COG5: variants seen among roughly 807,000 people sequenced by gnomAD.
The protein encoded by COG5 is component of oligomeric golgi complex 5.
In COG5, 86 loss-of-function variants were observed where a neutral mutation model predicts 110.4. That is an observed-to-expected ratio of 0.78 (90% CI 0.65 to 0.93). The LOEUF is 0.93. Among genes scored for constraint, COG5 ranks in the 40% least tolerant of loss-of-function variants. The pLI is 0.00. For synonymous variants in COG5, 360 were observed against 334.6 expected (o/e 1.08, Z -0.83); for missense variants, 1,077 against 987.0 (o/e 1.09, Z -1.22).
At chr7:107,344,189 T>C (rs573441616) in intron 10 of COG5, among the ~76,000 whole-genome samples, 52 of 152,326 alleles carry the variant, frequency 3.4e-4, no homozygotes, top group African/African-American at 1.1e-3. Context: ...TTCATCTACA[T>C]TGAAAATCTG....
intron 21 of COG5, among the ~76,000 whole-genome samples, chr7:107,205,679 AC>A (rs1027918536): frequency 1.3e-5 from 2 of 152,168 alleles, no homozygotes; most frequent in African/African-American, 4.8e-5. Flanking sequence ...TTCCTTGCTT[AC>A]TTTCTTGCGC....
At chr7:107,270,427 A>C (rs1331251535) in intron 14 of COG5, among the ~76,000 whole-genome samples, 2 of 151,902 alleles carry the variant, frequency 1.3e-5, no homozygotes, top group Non-Finnish European at 2.9e-5. Flanking sequence ...ACATCCTGCT[A>C]ATTTTGGTAT....
chr7:107,345,636 T>A (rs1408990676), intron 10 of COG5, among the ~76,000 whole-genome samples: 1 of 152,194 alleles, frequency 6.6e-6, no homozygotes, highest in African/African-American at 2.4e-5. Context: ...TAGAGATCTG[T>A]TGCACAACCG....
chr7:107,503,636 C>G (rs757870261), intron 6 of COG5, among the ~76,000 whole-genome samples: 3 of 152,138 alleles, frequency 2.0e-5, no homozygotes, highest in Non-Finnish European at 4.4e-5. Flanking sequence ...TCTATGAACA[C>G]AAGATGTGTT....
At chr7:107,323,446 G>A (rs562497170) in intron 11 of COG5, among the ~76,000 whole-genome samples, 2 of 152,272 alleles carry the variant, frequency 1.3e-5, no homozygotes, top group South Asian at 4.1e-4. Flanking sequence ...CAGGAGAATT[G>A]CTTGAACCCA....
chr7:107,365,773 C>A (rs1319088227), intron 8 of COG5, among the ~76,000 whole-genome samples: 1 of 151,822 alleles, frequency 6.6e-6, no homozygotes, highest in Non-Finnish European at 1.5e-5. Context: ...GCTTAAATAG[C>A]TTTACTGGTA....
intron 6 of COG5, among the ~76,000 whole-genome samples, chr7:107,440,022 T>C (rs1437044334): frequency 6.6e-6 from 1 of 152,166 alleles, no homozygotes; most frequent in East Asian, 1.9e-4. Flanking sequence ...TTGACTAATA[T>C]ATCACTGGGT....
At chr7:107,543,775 G>T (rs541962886) in intron 5 of COG5, among the ~76,000 whole-genome samples, 33 of 152,064 alleles carry the variant, frequency 2.2e-4, no homozygotes, top group Non-Finnish European at 4.3e-4. Flanking sequence ...CTGCCCTACG[G>T]GTCCACATTC....
At chr7:107,219,301 T>C (rs1213955289) in intron 19 of COG5, among the ~76,000 whole-genome samples, 1 of 152,062 alleles carries the variant, frequency 6.6e-6, no homozygotes, top group Admixed American at 6.5e-5. Context: ...AAACTAAAAA[T>C]AGAATTACAA....
intron 7 of COG5, among the ~76,000 whole-genome samples, chr7:107,409,396 G>A (rs1331132253): frequency 6.6e-6 from 1 of 151,906 alleles, no homozygotes; most frequent in African/African-American, 2.4e-5. Flanking sequence ...GTAGATTACT[G>A]AAAGTAATCT....
At chr7:107,365,295 CTCTCT>C (rs1241550655) in intron 8 of COG5, among the ~76,000 whole-genome samples, 2 of 151,974 alleles carry the variant, frequency 1.3e-5, no homozygotes, top group South Asian at 2.1e-4. Flanking sequence ...CATTTTCTTA[CTCTCT>C]TCTCTTGAAT....
chr7:107,403,858 A>T (rs1343438685), intron 7 of COG5, among the ~76,000 whole-genome samples: 1 of 152,126 alleles, frequency 6.6e-6, no homozygotes, highest in Non-Finnish European at 1.5e-5. Context: ...CAGCCATAAA[A>T]ATGAAGTGAC....
At chr7:107,361,985 T>G (rs1333452049) in intron 10 of COG5, 48 bp downstream of exon 10, 2 of 1,279,652 alleles carry the variant, frequency 1.6e-6, no homozygotes, top group Non-Finnish European at 2.2e-6. Context: ...ACTCATATAT[T>G]CCTGTTTTGT....
intron 10 of COG5, among the ~76,000 whole-genome samples, chr7:107,334,897 G>A (rs1015669784): frequency 3.3e-5 from 5 of 152,148 alleles, no homozygotes; most frequent in African/African-American, 1.2e-4. Context: ...ACTGTGCTGT[G>A]TGATCCACTC....
intron 5 of COG5, among the ~76,000 whole-genome samples, chr7:107,538,988 A>G (rs1801786175): frequency 1.3e-5 from 2 of 152,178 alleles, no homozygotes; most frequent in Admixed American, 1.3e-4. Flanking sequence ...TTTGACTTTA[A>G]GTGAAAACAA....
intron 5 of COG5, among the ~76,000 whole-genome samples, chr7:107,546,647 C>T (rs1584953936): frequency 6.7e-6 from 1 of 148,598 alleles, no homozygotes; most frequent in East Asian, 2.0e-4. Flanking sequence ...AAAACTTTAG[C>T]TAGACTAAGA....
At chr7:107,488,129 C>A (rs912547682) in intron 6 of COG5, among the ~76,000 whole-genome samples, 3 of 151,690 alleles carry the variant, frequency 2.0e-5, no homozygotes, top group Non-Finnish European at 4.4e-5. Flanking sequence ...TAAAAATATA[C>A]AAAATTGAGC....
intron 7 of COG5, among the ~76,000 whole-genome samples, chr7:107,384,557 A>C (rs1815407782): frequency 6.6e-6 from 1 of 152,160 alleles, no homozygotes; most frequent in Non-Finnish European, 1.5e-5. Flanking sequence ...CTCACCCTTC[A>C]AACTGTCTGA....
intron 14 of COG5, among the ~76,000 whole-genome samples, chr7:107,259,240 T>C (rs2107317): frequency 0.19 from 29,252 of 152,096 alleles, 3,364 homozygotes; most frequent in East Asian, 0.32. Context: ...GATCAGGACA[T>C]AGAAAGTATA....
Sources: allele counts gnomAD v4.1 joint callset (sites outside exome capture counted in the v4.1 genomes callset), GRCh38; gene constraint gnomAD v4.1.1; transcripts MANE v1.5; gene names NCBI Gene and HGNC (gene_info 2026-07-23, HGNC 2026-07-21).